The following KCNG3 variants were observed in gnomAD, a reference collection of about 807,000 sequenced individuals.
KCNG3 encodes the protein voltage-gated potassium channel regulatory subunit KCNG3.
In KCNG3, 15 loss-of-function variants were observed where a neutral mutation model predicts 29.0. The observed-to-expected ratio is 0.52, with a 90% CI of 0.35 to 0.80. The LOEUF is 0.80. Ranked by LOEUF, KCNG3 falls within the 30% of genes least tolerant of loss-of-function variation. KCNG3 has a pLI of 0.01. For missense variants in KCNG3, 512 were observed against 605.7 expected (o/e 0.85, Z 1.62); for synonymous variants, 322 against 248.9 (o/e 1.29, Z -2.76).
intron 1 of KCNG3, among the ~76,000 whole-genome samples, chr2:42,454,935 C>T (rs1265328548): frequency 6.6e-6 from 1 of 151,928 alleles, no homozygotes; most frequent in Non-Finnish European, 1.5e-5. Context: ...TTCAGATTGG[C>T]AAGATGAGAT....
At chr2:42,448,341 CCACT>C (rs1672655714) in intron 1 of KCNG3, among the ~76,000 whole-genome samples, 1 of 127,966 alleles carries the variant, frequency 7.8e-6, no homozygotes, top group Admixed American at 8.7e-5. Flanking sequence ...TGCCCACTTC[CCACT>C]TATTTATTTA....
rs566309840 is a variant in KCNG3, at chr2:42,455,413, A to G, written c.666-10834T>C. On this transcript the variant is annotated intron_variant, in intron 1 of 1. Transcript: ENST00000306078. Reference sequence around the variant, plus strand: ...GAGATTGTTCCTGTCATTAACACCAAACAGAACCTGATTAAAATTTAATAT... The same window carrying G: ...GAGATTGTTCCTGTCATTAACACCAGACAGAACCTGATTAAAATTTAATAT... 5.3e-5 allele frequency among the ~76,000 whole-genome samples: 8 copies of G among 152,364 alleles called. No homozygotes were observed. The East Asian group carries it at 1.5e-3, about 29-fold the overall frequency.
At chr2:42,447,673 C>T (rs1482567620) in intron 1 of KCNG3, among the ~76,000 whole-genome samples, 3 of 151,988 alleles carry the variant, frequency 2.0e-5, no homozygotes, top group African/African-American at 7.3e-5. Context: ...TACCACCACA[C>T]TTGGTTAATT....
chr2:42,480,142 T>C (rs1220449069), intron 1 of KCNG3, among the ~76,000 whole-genome samples: 3 of 152,226 alleles, frequency 2.0e-5, no homozygotes, highest in African/African-American at 7.2e-5. Flanking sequence ...CAATAAGTTC[T>C]AATTATTGTT....
chr2:42,438,864 A>G (rs1462091006), downstream of KCNG3, among the ~76,000 whole-genome samples: 1 of 152,210 alleles, frequency 6.6e-6, no homozygotes, highest in Non-Finnish European at 1.5e-5. Context: ...TGATATGCCC[A>G]GGTTTCTGAG....
At chr2:42,438,297 T>C (rs1177283931), downstream of KCNG3, among the ~76,000 whole-genome samples, 3 of 152,190 alleles carry the variant, frequency 2.0e-5, no homozygotes, top group Non-Finnish European at 4.4e-5. Flanking sequence ...GCCTCCACTC[T>C]GTCATGGGCA....
chr2:42,402,386 T>C, the KCNG3 span, among the ~76,000 whole-genome samples: 2 of 152,318 alleles, frequency 1.3e-5, no homozygotes, highest in Middle Eastern at 3.4e-3. Flanking sequence ...TACTTTCCTT[T>C]TAATGGTTTT....
At chr2:42,428,034 G>A in the KCNG3 span, among the ~76,000 whole-genome samples, 1 of 152,134 alleles carries the variant, frequency 6.6e-6, no homozygotes, top group Non-Finnish European at 1.5e-5. Flanking sequence ...TAGTGTCTAT[G>A]TATTTTTAAT....
At chr2:42,420,001 T>C in the KCNG3 span, among the ~76,000 whole-genome samples, 23 of 152,164 alleles carry the variant, frequency 1.5e-4, 1 homozygote, top group South Asian at 4.6e-3. Flanking sequence ...GGCGGGCAGA[T>C]CACCTGAGGT....
the KCNG3 span, among the ~76,000 whole-genome samples, chr2:42,418,625 A>G: frequency 6.6e-6 from 1 of 152,236 alleles, no homozygotes; most frequent in African/African-American, 2.4e-5. Flanking sequence ...GAGATGCTCA[A>G]GAGAGATAAT....
At chr2:42,424,273 C>T in the KCNG3 span, among the ~76,000 whole-genome samples, 1 of 152,056 alleles carries the variant, frequency 6.6e-6, no homozygotes, top group Non-Finnish European at 1.5e-5. Flanking sequence ...GTATTCACAG[C>T]CTGAACACAA....
the KCNG3 span, among the ~76,000 whole-genome samples, chr2:42,407,475 G>A: frequency 6.6e-6 from 1 of 152,220 alleles, no homozygotes; most frequent in Non-Finnish European, 1.5e-5. Flanking sequence ...CTGGCTGCAG[G>A]AGGGAGGGGC....
intron 1 of KCNG3, among the ~76,000 whole-genome samples, chr2:42,485,532 C>T (rs1261084607): frequency 6.6e-6 from 1 of 152,024 alleles, no homozygotes; most frequent in Middle Eastern, 3.2e-3. Flanking sequence ...GCAAGCTCTG[C>T]CTCCTGGGTT....
intron 1 of KCNG3, among the ~76,000 whole-genome samples, chr2:42,482,930 G>T (rs986745972): frequency 6.6e-6 from 1 of 151,892 alleles, no homozygotes; most frequent in African/African-American, 2.4e-5. Flanking sequence ...AGACCAGCCC[G>T]GACAATATAG....
the KCNG3 span, among the ~76,000 whole-genome samples, chr2:42,402,938 TG>T: frequency 1.3e-5 from 2 of 152,244 alleles, no homozygotes; most frequent in Non-Finnish European, 2.9e-5. Flanking sequence ...TGGGAATTTT[TG>T]TTAGGATCAC....
At chr2:42,487,003 A>G in intron 1 of KCNG3, among the ~76,000 whole-genome samples, 1 of 151,928 alleles carries the variant, frequency 6.6e-6, no homozygotes, top group South Asian at 2.1e-4. Context: ...CTAAAAATAC[A>G]AAAATTAGCC....
chr2:42,449,640 C>T (rs1452190408), intron 1 of KCNG3, among the ~76,000 whole-genome samples: 2 of 151,492 alleles, frequency 1.3e-5, no homozygotes, highest in Non-Finnish European at 2.9e-5. Flanking sequence ...GCCTCAGCTT[C>T]CTGAGTAGCT....
Position 42,493,465 on chromosome 2 carries a change from G to T in KCNG3, c.37C>A (p.Leu13Met). 6.9e-7 allele frequency: 1 copy of T among 1,449,898 alleles called. No individual in the cohort carries two copies. Among genetic ancestry groups the T allele is most frequent in the Non-Finnish European group, 9.0e-7 (1 of 1,109,874 alleles). 89.8% of individuals were successfully genotyped at this position (1,449,898 alleles called of 1,614,324 possible). The change falls in exon 1 of 2, where the codon CTG (leucine) becomes ATG (methionine). Residue 13 changes from leucine to methionine, a missense_variant. Leu to Met is a conservative substitution (Grantham distance 15). Coordinates refer to ENST00000306078, the MANE Select transcript of KCNG3 (RefSeq NM_133329.6). ...GAATACCGGGCGCCGCCCACGTTCA[G>T]CACCACCGAGGCCGCCCCGCTGCGC... ...FGRSGAASVV[L>M]NVGGARYSLS... is the part of the protein sequence containing the mutation.
At chr2:42,419,257 A>G in the KCNG3 span, among the ~76,000 whole-genome samples, 3 of 32,428 alleles carry the variant, frequency 9.3e-5, no homozygotes, top group Non-Finnish European at 1.8e-4. Context: ...TTTTTTTGAG[A>G]TAGAGTCTCA....
Sources: gnomAD v4.1 joint callset for allele counts (sites outside exome capture counted in the v4.1 genomes callset) on GRCh38, gnomAD v4.1.1 for gene constraint, MANE v1.5 for transcripts, NCBI Gene and HGNC (gene_info 2026-07-23, HGNC 2026-07-21) for gene names.